The following DPAGT1 variants were observed in gnomAD, a reference collection of about 807,000 sequenced individuals.
The protein encoded by DPAGT1 is dolichyl-phosphate N-acetylglucosaminephosphotransferase 1.
Under a neutral mutation model 39.3 loss-of-function variants are expected in DPAGT1, and 25 were observed. The observed-to-expected ratio is 0.64, with a 90% CI of 0.46 to 0.89. The LOEUF (loss-of-function observed/expected upper bound fraction) is 0.89. DPAGT1 is among the 40% of genes least tolerant of loss of function. The pLI, the probability that DPAGT1 is intolerant of heterozygous loss-of-function variation, is 0.00. For missense variants in DPAGT1, 381 were observed against 500.6 expected, an observed-to-expected ratio of 0.76 and a Z score of 2.28; for synonymous variants, 193 against 201.4, an observed-to-expected ratio of 0.96 and a Z score of 0.36.
Position 119,101,069 on chromosome 11 carries a change from G to A in DPAGT1, c.231C>T (p.Pro77=). 1 of 1,614,162 alleles carries A rather than the reference G, an allele frequency of 6.2e-7. No homozygotes were observed. Among genetic ancestry groups the A allele is most frequent in the South Asian group, 1.1e-5 (1 of 91,082 alleles). Residue 77 remains proline, a synonymous_variant, in exon 2 of 9, where the codon CCC becomes CCT. Transcript: ENST00000354202. ...GCTCCTTCACAAAGCAGTTCAGGAA[G>A]GGGAAAGGGATGAAGCAGAAGAGGA... is the stretch of plus-strand genomic sequence containing the variant. ...LIILFCFIPF[P]FLNCFVKEQC...
chr11:119,096,949 G>A lies in DPAGT1; in HGVS notation c.*49C>T, dbSNP rs1183020402. On this transcript the variant is annotated 3_prime_UTR_variant, in exon 9 of 9. Coordinates refer to ENST00000354202, the MANE Select transcript of DPAGT1 (RefSeq NM_001382.4). ...TGGGACCAGAGAGAGAGGTCAGCCT[G>A]AGTCAGGAATCCTAGAGACTGTGAG... The A allele has an allele frequency of 1.2e-6, 2 of 1,606,954 alleles. No homozygotes were observed. The highest frequency in any genetic ancestry group is 8.5e-7 in the Non-Finnish European group (1 of 1,174,834).
At position 119,101,793 on chromosome 11, in the gene DPAGT1, C is replaced by A. The variant is rs1251883454; in HGVS notation, c.-138G>T. The A allele has an allele frequency of 6.5e-7, 1 of 1,542,130 alleles. No individual in the cohort carries two copies. The highest frequency in any genetic ancestry group is 8.7e-7 in the Non-Finnish European group (1 of 1,145,534). On this transcript the variant is annotated 5_prime_UTR_variant, in exon 1 of 9. Coordinates refer to ENST00000354202, the MANE Select transcript of DPAGT1 (RefSeq NM_001382.4). The stretch of plus-strand genomic sequence containing the variant: ...CCACACCAATCTGAGCAAAACCCAG[C>A]AACTCTGACTTGAGCCGCCGTCGGG...
chr11:119,097,840 C>G lies in DPAGT1; in HGVS notation c.917+15G>C. 1 of 1,613,920 alleles carries G rather than the reference C, an allele frequency of 6.2e-7. No homozygotes were observed. Among genetic ancestry groups the G allele is most frequent in the Non-Finnish European group, 8.5e-7 (1 of 1,179,902 alleles). ...AAAAGGCTATGATGTCCATTTCAAG[C>G]CAAAAAGCGGCTACCTGGGTATGCG... On this transcript the variant is annotated intron_variant, in intron 6 of 8. Transcript: ENST00000354202. The surrounding 1 kb of genome is among the most constrained non-coding windows in gnomAD (Gnocchi z 4.6).
Position 119,097,059 on chromosome 11 carries a change from A to G in DPAGT1, c.1166T>C (p.Leu389Pro). Residue 389 changes from leucine to proline, a missense_variant, in exon 9 of 9, where the codon CTG becomes CCG. Physicochemically the swap from Leu to Pro is moderately conservative, Grantham distance 98. Coordinates refer to ENST00000354202, the MANE Select transcript of DPAGT1 (RefSeq NM_001382.4). This position sits in a 1 kb window ranked among gnomAD's most constrained non-coding sequence, Gnocchi z 4.6. ...LTLLLLLLQI[L>P]GSAITFSIRY... ...AATGGAGAAGGTGATGGCACTGCCC[A>G]GGATCTGCAAGGAGAAATGGACTGG... 1 of 1,614,194 alleles carries G rather than the reference A, an allele frequency of 6.2e-7. No homozygotes were observed. The highest frequency in any genetic ancestry group is 8.5e-7 in the Non-Finnish European group (1 of 1,180,024).
At chr11:119,101,305 T>TGTG in intron 1 of DPAGT1, 167 bp from the exon 2 acceptor site, 1 of 1,368,532 alleles carries the variant, frequency 7.3e-7, no homozygotes, top group Admixed American at 1.8e-5. Flanking sequence ...GAGTCCCAGA[T>TGTG]ATACCCAAGG....
chr11:119,100,906 C>T, intron 2 of DPAGT1, 63 bp from the exon 3 acceptor site: 1 of 1,613,802 alleles, frequency 6.2e-7, no homozygotes, highest in Non-Finnish European at 8.5e-7. Flanking sequence ...TTAAGAATTC[C>T]TGTCTTTTCT....
chr11:119,100,450 G>A, intron 3 of DPAGT1, 42 bp from the exon 4 acceptor site: 1 of 1,613,938 alleles, frequency 6.2e-7, no homozygotes. Context: ...TGCCACCTAG[G>A]GGAGGAGGAT....
Position 119,100,826 on chromosome 11 carries a change from A to G in DPAGT1, c.300T>C (p.Gly100=). The part of the protein sequence containing the change: ...FPHHEFVALI[G]ALLAICCMIF... ...TCATGCAGCAGATGGCAAGGAGGGCACCTATCAGGGCCACAAACTGGGGGA... is the reference window on the plus strand; with the variant it reads ...TCATGCAGCAGATGGCAAGGAGGGCGCCTATCAGGGCCACAAACTGGGGGA... Residue 100 remains glycine (G), a synonymous_variant, in exon 3 of 9, where the codon GGT becomes GGC. Transcript: ENST00000354202. The G allele has an allele frequency of 6.2e-7, 1 of 1,614,188 alleles. No individual in the cohort carries two copies. Among genetic ancestry groups the G allele is most frequent in the African/African-American group, 1.3e-5 (1 of 75,038 alleles).
rs1946404076 is a variant in DPAGT1 at position 119,096,948 on chromosome 11, T to G, written c.*50A>C. 2 of 1,606,812 alleles carry G rather than the reference T, an allele frequency of 1.2e-6. No individual in the cohort carries two copies. Among genetic ancestry groups the G allele is most frequent in the African/African-American group, 2.7e-5 (2 of 74,776 alleles). ...CTGGGACCAGAGAGAGAGGTCAGCC[T>G]GAGTCAGGAATCCTAGAGACTGTGA... On this transcript the variant is annotated 3_prime_UTR_variant, in exon 9 of 9. Transcript: ENST00000354202.
Position 119,097,967 on chromosome 11 carries a change from C to A in DPAGT1, c.805G>T (p.Gly269Ter). ...AGTAGCATGGTCTTGCTGAAGTGTCCCAAGATGCCCACCACGGCAAAGGTC... is the reference window on the plus strand; with the variant it reads ...AGTAGCATGGTCTTGCTGAAGTGTCACAAGATGCCCACCACGGCAAAGGTC... ...GMTFAVVGIL[G>*]HFSKTMLLFF... The change falls in exon 6 of 9, where the codon GGA (glycine) becomes TGA (stop). Residue 269 changes from glycine to a stop codon, truncating the protein, a stop_gained. Coordinates refer to ENST00000354202, the MANE Select transcript of DPAGT1 (RefSeq NM_001382.4). LOFTEE classifies it high-confidence loss of function. The surrounding 1 kb of genome is among the most constrained non-coding windows in gnomAD (Gnocchi z 4.6). The A allele has an allele frequency of 6.2e-7, 1 of 1,614,088 alleles. No individual in the cohort carries two copies. Among genetic ancestry groups the A allele is most frequent in the Non-Finnish European group, 8.5e-7 (1 of 1,180,026 alleles).
At chr11:119,094,761 T>A (rs1358060733), downstream of DPAGT1, 18 of 565,692 alleles carry the variant, frequency 3.2e-5, no homozygotes, top group Admixed American at 6.8e-4. Context: ...CGGCAGGCGG[T>A]GCGGGACGGG....
In DPAGT1 at chr11:119,101,575, G is replaced by A. The variant is rs145055477; in HGVS notation, c.81C>T (p.Thr27=). 1.9e-6 allele frequency: 3 copies of A among 1,614,272 alleles called. No homozygotes were observed. The Admixed American group carries it at 5.0e-5, about 27-fold the overall frequency. Residue 27 remains threonine (T), a synonymous_variant, in exon 1 of 9, where the codon ACC becomes ACT. Coordinates refer to ENST00000354202, the MANE Select transcript of DPAGT1 (RefSeq NM_001382.4). ...AGTGGCCCCGGAAGGCCGGGATGAG[G>A]GTGACTGTGGCCACAAATCCCAGCA... ...VSLLGFVATV[T]LIPAFRGHFI...
rs762676399 is a variant in DPAGT1 at position 119,100,648 on chromosome 11, C to T, written c.478G>A (p.Gly160Ser). 22 of 1,614,030 alleles carry T rather than the reference C, an allele frequency of 1.4e-5. No homozygotes were observed. Among genetic ancestry groups the T allele is most frequent in the Non-Finnish European group, 1.9e-5 (22 of 1,179,976 alleles). The part of the protein sequence containing the change: ...VVPKPFRPIL[G>S]LHLDLGILYY... ...TACCTACCCAAGTCCAGATGCAGGC[C>T]AAGTATCGGGCGGAAGGGCTTGGGC... Residue 160 changes from glycine to serine, a missense_variant, in exon 3 of 9, where the codon GGC becomes AGC. Transcript: ENST00000354202.
chr11:119,098,248 GTA>G (rs199766825), intron 5 of DPAGT1, 153 bp downstream of exon 5: 2 of 1,109,360 alleles, frequency 1.8e-6, no homozygotes, highest in Non-Finnish European at 2.7e-6. Flanking sequence ...CTACTACTGG[GTA>G]GAGAGAAATT....
rs769659794 is a variant in DPAGT1, at chr11:119,098,028, C to T, written c.744G>A (p.Val248=). The T allele has an allele frequency of 6.2e-7, 1 of 1,614,208 alleles. No individual in the cohort carries two copies. Among genetic ancestry groups the T allele is most frequent in the Non-Finnish European group, 8.5e-7 (1 of 1,180,038 alleles). Residue 248 remains valine, a synonymous_variant, in exon 6 of 9, where the codon GTG becomes GTA. Transcript: ENST00000354202. ...AGTAACAGAAGGTATCTCCCACAAA[C>T]ACCCGTGATGGGTACCTGTGTGGGG... ...LLYHNWYPSR[V]FVGDTFCYFA...
intron 4 of DPAGT1, 70 bp from the exon 5 acceptor site, chr11:119,098,557 G>A (rs745747197): frequency 1.5e-4 from 223 of 1,521,856 alleles, no homozygotes; most frequent in Non-Finnish European, 1.9e-4. Context: ...TCCTATTTTT[G>A]TCTAAGTTCT....
In DPAGT1 at chr11:119,101,779, T is replaced by G; in HGVS notation, c.-124A>C. On this transcript the variant is annotated 5_prime_UTR_variant, in exon 1 of 9. Coordinates refer to ENST00000354202, the MANE Select transcript of DPAGT1 (RefSeq NM_001382.4). Reference sequence around the variant, plus strand: ...CAGGCAGGCTCTTCCCACACCAATCTGAGCAAAACCCAGCAACTCTGACTT... The same window carrying G: ...CAGGCAGGCTCTTCCCACACCAATCGGAGCAAAACCCAGCAACTCTGACTT... 6.4e-7 allele frequency: 1 copy of G among 1,558,562 alleles called. No individual in the cohort carries two copies. The highest frequency in any genetic ancestry group is 8.7e-7 in the Non-Finnish European group (1 of 1,153,666).
Position 119,097,183 on chromosome 11 carries a change from T to C in DPAGT1, c.1120A>G (p.Ile374Val). 2 of 1,614,216 alleles carry C rather than the reference T, an allele frequency of 1.2e-6. No individual in the cohort carries two copies. Among genetic ancestry groups the C allele is most frequent in the Middle Eastern group, 1.6e-4 (1 of 6,062 alleles). ...INLLLKVLGP[I>V]HERNLTLLLL... ...AGCAATGTGAGGTTTCTCTCATGTA[T>C]GGGCCCAAGGACTTTAAGTAGCAAG... Residue 374 changes from isoleucine (I) to valine (V), a missense_variant, in exon 8 of 9, where the codon ATA becomes GTA. Physicochemically the swap from Ile to Val is conservative, Grantham distance 29. Transcript: ENST00000354202. This position sits in a 1 kb window ranked among gnomAD's most constrained non-coding sequence, Gnocchi z 4.6.
At chr11:119,100,084 A>G (rs1476849063) in intron 4 of DPAGT1, among the ~76,000 whole-genome samples, 178 bp downstream of exon 4, 2 of 152,218 alleles carry the variant, frequency 1.3e-5, no homozygotes, top group Non-Finnish European at 2.9e-5. Context: ...TGACAGGGCT[A>G]CTATTTTTCT....
Sources: gnomAD v4.1 joint callset for allele counts (sites outside exome capture counted in the v4.1 genomes callset) on GRCh38, gnomAD v4.1.1 for gene constraint, Gnocchi (gnomAD v3.1) non-coding constraint, MANE v1.5 for transcripts, NCBI Gene and HGNC (gene_info 2026-07-23, HGNC 2026-07-21) for gene names.